The following PDE3B variants were observed in gnomAD, a reference collection of about 807,000 sequenced individuals.
The protein encoded by PDE3B is phosphodiesterase 3B, also known as cGMP-inhibited 3',5'-cyclic phosphodiesterase 3B.
A neutral mutation model predicts 116.8 loss-of-function variants in PDE3B; 66 were observed. The ratio of observed to expected loss-of-function variants is 0.56; its 90% CI spans 0.46 to 0.69. The LOEUF is 0.69. PDE3B is among the 30% of genes least tolerant of loss of function. PDE3B has a pLI of 0.00. For missense variants in PDE3B, 1,384 were observed against 1,368.1 expected (o/e 1.01, Z -0.18); for synonymous variants, 595 against 533.6 (o/e 1.12, Z -1.59).
the PDE3B span, among the ~76,000 whole-genome samples, chr11:14,898,703 CTTTT>C: frequency 6.6e-6 from 1 of 152,000 alleles, no homozygotes. Flanking sequence ...TATGCTCTTT[CTTTT>C]TTTCTCTTTT....
intron 12 of PDE3B, among the ~76,000 whole-genome samples, chr11:14,844,348 C>T (rs973664380): frequency 3.9e-5 from 6 of 151,976 alleles, no homozygotes; most frequent in South Asian, 2.1e-4. Flanking sequence ...ATTTCTGTTC[C>T]GCTGGAGCCA....
At chr11:14,721,592 C>T (rs571213526) in intron 1 of PDE3B, among the ~76,000 whole-genome samples, 1 of 149,902 alleles carries the variant, frequency 6.7e-6, no homozygotes, top group Non-Finnish European at 1.5e-5. Context: ...TACTATGCAG[C>T]CATAAAAAAG....
At chr11:14,733,133 A>C (rs1266901462) in intron 1 of PDE3B, among the ~76,000 whole-genome samples, 1 of 152,204 alleles carries the variant, frequency 6.6e-6, no homozygotes, top group East Asian at 1.9e-4. Context: ...TCCCGTTTCT[A>C]AGATGCTTGA....
Position 14,644,534 on chromosome 11 carries a change from G to C in PDE3B, c.459G>C (p.Trp153Cys). 6.2e-7 allele frequency: 1 copy of C among 1,603,570 alleles called. No individual in the cohort carries two copies. Among genetic ancestry groups the C allele is most frequent in the Non-Finnish European group, 8.5e-7 (1 of 1,175,270 alleles). Residue 153 changes from tryptophan to cysteine, a missense_variant, in exon 1 of 16, where the codon TGG becomes TGC. Coordinates refer to ENST00000282096, the MANE Select transcript of PDE3B (RefSeq NM_000922.4). ...PGPGRSCGSW[W>C]LLALPACCYL... ...CGGGCCGGAGCTGCGGCTCCTGGTG[G>C]CTGCTGGCGCTGCCCGCCTGCTGTT...
At chr11:14,674,237 C>A in intron 1 of PDE3B, 1 of 1,206,998 alleles carries the variant, frequency 8.3e-7, no homozygotes. Context: ...GTTTTCACTT[C>A]AACATTTTTC....
rs1555006686 is a variant in PDE3B at position 14,859,247 on chromosome 11, GT to G, written c.2724+4del. ...TTTTCTCGCAGAATTCAATGCCAAG[GT>G]TTGTTATGAAAATTAGTGCCTGATT... On this transcript the variant is annotated splice_donor_variant, in intron 13 of 15. Transcript: ENST00000282096. LOFTEE classifies it high-confidence loss of function. 5 of 1,598,688 alleles carry G rather than the reference GT, an allele frequency of 3.1e-6. No homozygotes were observed. The highest frequency in any genetic ancestry group is 4.3e-6 in the Non-Finnish European group (5 of 1,171,680).
chr11:14,885,398 T>C, the PDE3B span, among the ~76,000 whole-genome samples: 1 of 152,166 alleles, frequency 6.6e-6, no homozygotes, highest in African/African-American at 2.4e-5. Flanking sequence ...TCAAGTTCTG[T>C]AAGCTTATAA....
At chr11:14,709,918 A>G (rs1476800283) in intron 1 of PDE3B, among the ~76,000 whole-genome samples, 3 of 152,014 alleles carry the variant, frequency 2.0e-5, no homozygotes, top group African/African-American at 4.8e-5. Context: ...ATTCCTATTC[A>G]TGGTTTCACA....
intron 4 of PDE3B, 58 bp downstream of exon 4, chr11:14,789,300 T>C (rs1590146440): frequency 1.5e-6 from 2 of 1,344,254 alleles, no homozygotes; most frequent in African/African-American, 1.5e-5. Context: ...TTTGTTTCTG[T>C]CAATAATGTT....
At chr11:14,782,072 A>T (rs955290620) in intron 2 of PDE3B, among the ~76,000 whole-genome samples, 1 of 152,188 alleles carries the variant, frequency 6.6e-6, no homozygotes, top group Non-Finnish European at 1.5e-5. Context: ...CTTCAAAGAG[A>T]ATAAAATACC....
At chr11:14,759,523 G>T (rs1857293328) in intron 1 of PDE3B, among the ~76,000 whole-genome samples, 1 of 149,510 alleles carries the variant, frequency 6.7e-6, no homozygotes, top group African/African-American at 2.5e-5. Flanking sequence ...GCTGCATAAA[G>T]TTGTTCCACT....
intron 7 of PDE3B, among the ~76,000 whole-genome samples, chr11:14,824,870 A>C (rs961234555): frequency 1.3e-5 from 2 of 152,188 alleles, no homozygotes; most frequent in African/African-American, 4.8e-5. Flanking sequence ...AAGAATGTTA[A>C]AGGCAGCTAG....
chr11:14,845,323 C>G (rs527951192), intron 12 of PDE3B, among the ~76,000 whole-genome samples: 53 of 151,772 alleles, frequency 3.5e-4, no homozygotes, highest in Non-Finnish European at 6.5e-4. Context: ...GACATCCACA[C>G]CAAAAACCCA....
At chr11:14,677,171 G>A (rs1854556067) in intron 1 of PDE3B, among the ~76,000 whole-genome samples, 1 of 152,058 alleles carries the variant, frequency 6.6e-6, no homozygotes, top group African/African-American at 2.4e-5. Flanking sequence ...ATGAAAACCA[G>A]GGATAGAACC....
At position 14,814,887 on chromosome 11, in the gene PDE3B, C is replaced by A. The variant is rs529996480; in HGVS notation, c.1523-3296C>A. ...CTGAGGCAGGAGAATGGCATGAACC[C>A]GGGAGGTGGAGCTTGCAGTGAGCTG... On this transcript the variant is annotated intron_variant, in intron 5 of 15. Coordinates refer to ENST00000282096, the MANE Select transcript of PDE3B (RefSeq NM_000922.4). Among the ~76,000 whole-genome samples, 16 of 151,738 alleles carry A rather than the reference C, an allele frequency of 1.1e-4. No individual in the cohort carries two copies. The South Asian group carries it at 3.3e-3, about 32-fold the overall frequency.
intron 1 of PDE3B, among the ~76,000 whole-genome samples, chr11:14,676,724 T>C (rs553775131): frequency 7.9e-4 from 121 of 152,316 alleles, no homozygotes; most frequent in African/African-American, 2.7e-3. Flanking sequence ...CACTATATTA[T>C]GGATGTGAGT....
chr11:14,684,384 G>A (rs1240458786), intron 1 of PDE3B, among the ~76,000 whole-genome samples: 1 of 151,994 alleles, frequency 6.6e-6, no homozygotes, highest in Non-Finnish European at 1.5e-5. Context: ...AAGGAGAGGG[G>A]GTACAAGAAC....
intron 5 of PDE3B, among the ~76,000 whole-genome samples, chr11:14,817,655 G>T (rs1276404154): frequency 6.6e-6 from 1 of 151,986 alleles, no homozygotes; most frequent in Non-Finnish European, 1.5e-5. Context: ...AGGATCAATT[G>T]AACCCAGGAG....
At chr11:14,645,889 T>C (rs528156770) in intron 1 of PDE3B, among the ~76,000 whole-genome samples, 5 of 152,334 alleles carry the variant, frequency 3.3e-5, no homozygotes, top group South Asian at 4.1e-4. Context: ...GTTACTATTA[T>C]TGAGCATTTA....
Sources: allele counts gnomAD v4.1 joint callset (sites outside exome capture counted in the v4.1 genomes callset), GRCh38; gene constraint gnomAD v4.1.1; transcripts MANE v1.5; gene names NCBI Gene and HGNC (gene_info 2026-07-23, HGNC 2026-07-21).